PARD3: variants seen among roughly 807,000 people sequenced by gnomAD.
PARD3 encodes the protein par-3 family cell polarity regulator, also known as partitioning defective 3 homolog.
Under a neutral mutation model 155.4 loss-of-function variants are expected in PARD3, and 75 were observed. The ratio of observed to expected loss-of-function variants is 0.48; its 90% CI spans 0.40 to 0.58. The LOEUF (loss-of-function observed/expected upper bound fraction) is 0.58, where lower values mean the gene tolerates loss of function less well. PARD3 is among the 20% of genes least tolerant of loss of function. The pLI is 0.00. For synonymous variants in PARD3, 576 were observed against 610.5 expected (o/e 0.94, Z 0.83); for missense variants, 1,642 against 1,721.7 (o/e 0.95, Z 0.82).
intron 2 of PARD3, among the ~76,000 whole-genome samples, chr10:34,679,082 A>G (rs1018830863): frequency 6.6e-6 from 1 of 152,204 alleles, no homozygotes; most frequent in African/African-American, 2.4e-5. Flanking sequence ...CCAAATAAAC[A>G]GTCCACCCAA....
At chr10:34,812,923 C>T (rs1844382969) in intron 1 of PARD3, among the ~76,000 whole-genome samples, 2 of 152,152 alleles carry the variant, frequency 1.3e-5, no homozygotes, top group Non-Finnish European at 2.9e-5. Context: ...AGGTCCGTGA[C>T]CAAGGCCCTG....
At position 34,517,163 on chromosome 10, in the gene PARD3, G is replaced by C. The variant is rs2081826373; in HGVS notation, c.223-4C>G. 2 of 1,611,866 alleles carry C rather than the reference G, an allele frequency of 1.2e-6. No individual in the cohort carries two copies. Among genetic ancestry groups the C allele is most frequent in the East Asian group, 4.5e-5 (2 of 44,834 alleles). On this transcript the variant is annotated splice_region_variant and splice_polypyrimidine_tract_variant and intron_variant, in intron 2 of 24. Transcript: ENST00000374788. ...GCTCATCAAACACTGCTACCAGCTA[G>C]AAATGAAAGGTAAATGTGCACTTAT...
At chr10:34,190,270 T>G (rs1171649499) in intron 22 of PARD3, among the ~76,000 whole-genome samples, 8 of 152,186 alleles carry the variant, frequency 5.3e-5, no homozygotes, top group African/African-American at 1.9e-4. Context: ...TCAGACTGAC[T>G]AAAGGAGCAA....
At position 34,460,273 on chromosome 10, in the gene PARD3, G is replaced by C. The variant is rs373938899; in HGVS notation, c.582+9812C>G. On this transcript the variant is annotated intron_variant, in intron 4 of 24. Transcript: ENST00000374788. ...TTAGAAAATGTGATTCAGGGAATTT[G>C]AGTAACGTCTATTGAAACCTTACTC... 3.3e-5 allele frequency among the ~76,000 whole-genome samples: 5 copies of C among 152,090 alleles called. No homozygotes were observed. In the East Asian group the frequency reaches 7.7e-4, roughly 23 times the overall value.
intron 20 of PARD3, among the ~76,000 whole-genome samples, chr10:34,299,566 ATGTC>A (rs1957057685): frequency 6.6e-6 from 1 of 152,218 alleles, no homozygotes; most frequent in South Asian, 2.1e-4. Flanking sequence ...GACTCAGAGA[ATGTC>A]TGTCTTACAA....
intron 1 of PARD3, among the ~76,000 whole-genome samples, chr10:34,766,030 G>C (rs547893430): frequency 1.3e-5 from 2 of 152,266 alleles, no homozygotes; most frequent in South Asian, 4.1e-4. Context: ...CACCCCAATA[G>C]GGAATCTGAA....
At chr10:34,756,670 C>T (rs572391084) in intron 1 of PARD3, among the ~76,000 whole-genome samples, 8 of 151,438 alleles carry the variant, frequency 5.3e-5, no homozygotes, top group African/African-American at 1.7e-4. Flanking sequence ...CCCAAACTGG[C>T]CTCAAACTGC....
rs116830855 is a variant in PARD3, at chr10:34,616,400, A to C, written c.222+79918T>G. On this transcript the variant is annotated intron_variant, in intron 2 of 24. Transcript: ENST00000374788. ...CTGCATATACACCCAATGGAAAAGA[A>C]ATCAGCACATCAACGAAATATCTGC... Among the ~76,000 whole-genome samples the C allele has an allele frequency of 1.3e-3, 202 of 152,302 alleles. 1 individual carries two copies. The highest frequency in any genetic ancestry group is 4.5e-3 in the African/African-American group (187 of 41,556).
rs185878250 is a variant in PARD3, at chr10:34,558,350, G to T, written c.223-41191C>A. Reference sequence around the variant, plus strand: ...TCTGCTTCACTGTATTAGTCATATGGGATTATAAGCAAGAATCATAAACTA... The same window carrying T: ...TCTGCTTCACTGTATTAGTCATATGTGATTATAAGCAAGAATCATAAACTA... On this transcript the variant is annotated intron_variant, in intron 2 of 24. Transcript: ENST00000374788. 2.6e-5 allele frequency among the ~76,000 whole-genome samples: 4 copies of T among 152,146 alleles called. No individual in the cohort carries two copies. In the East Asian group the frequency reaches 7.7e-4, roughly 29 times the overall value.
chr10:34,138,778 C>A (rs1948032742), intron 22 of PARD3, among the ~76,000 whole-genome samples: 1 of 152,130 alleles, frequency 6.6e-6, no homozygotes, highest in Non-Finnish European at 1.5e-5. Flanking sequence ...TCAGCCCTAG[C>A]AATTTACTTT....
At chr10:34,634,748 A>G (rs1462300872) in intron 2 of PARD3, among the ~76,000 whole-genome samples, 1 of 152,240 alleles carries the variant, frequency 6.6e-6, no homozygotes, top group African/African-American at 2.4e-5. Flanking sequence ...TTTCAAATGT[A>G]TTACGGGCAG....
At chr10:34,632,544 C>T (rs1002670099) in intron 2 of PARD3, among the ~76,000 whole-genome samples, 4 of 152,256 alleles carry the variant, frequency 2.6e-5, no homozygotes, top group African/African-American at 9.6e-5. Flanking sequence ...ATGAACAGTT[C>T]GATGTAGGTA....
intron 22 of PARD3, among the ~76,000 whole-genome samples, chr10:34,163,641 C>G (rs534763245): frequency 1.3e-5 from 2 of 152,302 alleles, no homozygotes; most frequent in East Asian, 3.9e-4. Flanking sequence ...GTTGCAACTA[C>G]TCAACTCTGC....
At chr10:34,677,749 T>G (rs2093735805) in intron 2 of PARD3, among the ~76,000 whole-genome samples, 1 of 152,162 alleles carries the variant, frequency 6.6e-6, no homozygotes, top group African/African-American at 2.4e-5. Flanking sequence ...ATACCATGAC[T>G]AACTCTCAAT....
chr10:34,735,865 G>A (rs2094904294), intron 1 of PARD3, among the ~76,000 whole-genome samples: 1 of 151,890 alleles, frequency 6.6e-6, no homozygotes, highest in South Asian at 2.1e-4. Flanking sequence ...TTATATATAT[G>A]GTATACACTC....
chr10:34,227,870 A>ATATATATATATATATATATATATATC (rs1952696252), intron 22 of PARD3, among the ~76,000 whole-genome samples: 1 of 128,276 alleles, frequency 7.8e-6, no homozygotes. Context: ...ATATATATAT[A>ATATATATATATATATATATATATATC]TATATATATA....
intron 1 of PARD3, among the ~76,000 whole-genome samples, chr10:34,793,528 T>C (rs1206229765): frequency 6.6e-6 from 1 of 152,220 alleles, no homozygotes; most frequent in Admixed American, 6.5e-5. Flanking sequence ...GCCTCACACC[T>C]GTAATCCCGG....
chr10:34,483,006 A>T (rs77058872), intron 3 of PARD3, among the ~76,000 whole-genome samples: 1 of 151,134 alleles, frequency 6.6e-6, no homozygotes, highest in Admixed American at 6.6e-5. Flanking sequence ...AAAAAAAAAA[A>T]TTAGCCAGGT....
At chr10:34,509,013 C>T (rs1017660173) in intron 3 of PARD3, among the ~76,000 whole-genome samples, 2 of 152,152 alleles carry the variant, frequency 1.3e-5, no homozygotes, top group Non-Finnish European at 1.5e-5. Flanking sequence ...TGCCCAGTGT[C>T]CAAGATGGTG....
Sources: allele counts gnomAD v4.1 joint callset (sites outside exome capture counted in the v4.1 genomes callset), GRCh38; gene constraint gnomAD v4.1.1; transcripts MANE v1.5; gene names NCBI Gene and HGNC (gene_info 2026-07-23, HGNC 2026-07-21).